The following ZNF704 variants were observed in gnomAD, a reference collection of about 807,000 sequenced individuals.
ZNF704 encodes zinc finger protein 704.
A neutral mutation model predicts 44.7 loss-of-function variants in ZNF704; 10 were observed. The ratio of observed to expected loss-of-function variants is 0.22; its 90% CI spans 0.14 to 0.38. ZNF704 has a LOEUF of 0.38. Among genes scored for constraint, ZNF704 ranks in the 10% least tolerant of loss-of-function variants. The pLI, the probability that ZNF704 is intolerant of heterozygous loss-of-function variation, is 1.00. For missense variants in ZNF704, 390 were observed against 545.5 expected (o/e 0.71, Z 2.84); for synonymous variants, 211 against 207.6 (o/e 1.02, Z -0.14).
chr8:80,721,040 T>C (rs1819157842), intron 2 of ZNF704, among the ~76,000 whole-genome samples: 2 of 152,190 alleles, frequency 1.3e-5, no homozygotes, highest in African/African-American at 4.8e-5. Flanking sequence ...GTATCACTTA[T>C]CTCACCGTAC....
chr8:80,718,500 A>G (rs1165912827), intron 2 of ZNF704, among the ~76,000 whole-genome samples: 1 of 152,204 alleles, frequency 6.6e-6, no homozygotes, highest in Non-Finnish European at 1.5e-5. Flanking sequence ...TTGGACAGAC[A>G]GGATGGTGTG....
chr8:80,710,571 AG>A (rs1169658507), intron 2 of ZNF704, among the ~76,000 whole-genome samples: 1 of 152,134 alleles, frequency 6.6e-6, no homozygotes, highest in African/African-American at 2.4e-5. Flanking sequence ...TTTGGGAGGT[AG>A]TTAGGTTTCG....
intron 2 of ZNF704, among the ~76,000 whole-genome samples, chr8:80,780,829 G>A (rs1487537759): frequency 6.6e-6 from 1 of 151,922 alleles, no homozygotes; most frequent in Admixed American, 6.6e-5. Flanking sequence ...TGGACTTCTG[G>A]CCTCCAGAAC....
chr8:80,711,992 T>C (rs1818994443), intron 2 of ZNF704, among the ~76,000 whole-genome samples: 1 of 152,208 alleles, frequency 6.6e-6, no homozygotes, highest in South Asian at 2.1e-4. Flanking sequence ...CCTTAACAAA[T>C]GCTCTGCTAT....
intron 2 of ZNF704, among the ~76,000 whole-genome samples, chr8:80,765,936 G>C (rs1403018844): frequency 2.0e-5 from 3 of 152,052 alleles, no homozygotes; most frequent in Non-Finnish European, 4.4e-5. Context: ...CATCTACCAA[G>C]CAATAATTCA....
At chr8:80,774,117 G>A (rs984609171) in intron 2 of ZNF704, among the ~76,000 whole-genome samples, 2 of 151,366 alleles carry the variant, frequency 1.3e-5, no homozygotes, top group Non-Finnish European at 2.9e-5. Context: ...GTGCCGTGGT[G>A]CAATCATAGC....
intron 2 of ZNF704, among the ~76,000 whole-genome samples, chr8:80,767,347 G>C (rs1807245070): frequency 6.6e-6 from 1 of 151,226 alleles, no homozygotes; most frequent in Admixed American, 6.6e-5. Flanking sequence ...AGAAACACAT[G>C]GCCACCAGTG....
At chr8:80,650,862 T>A (rs1258420266) in intron 7 of ZNF704, among the ~76,000 whole-genome samples, 1 of 152,100 alleles carries the variant, frequency 6.6e-6, no homozygotes, top group Non-Finnish European at 1.5e-5. Context: ...GACACATAAT[T>A]GTCAGATTCA....
chr8:80,844,582 G>C (rs1808737137), intron 1 of ZNF704, among the ~76,000 whole-genome samples: 1 of 152,136 alleles, frequency 6.6e-6, no homozygotes, highest in Non-Finnish European at 1.5e-5. Flanking sequence ...CAACCAGATA[G>C]GGCGGAGCAG....
intron 1 of ZNF704, among the ~76,000 whole-genome samples, chr8:80,835,175 T>A (rs1172131512): frequency 1.3e-5 from 2 of 152,270 alleles, no homozygotes; most frequent in East Asian, 3.9e-4. Context: ...ACAACTTGGG[T>A]ATTTTTTTTT....
At chr8:80,739,723 G>A (rs1361895120) in intron 2 of ZNF704, among the ~76,000 whole-genome samples, 2 of 152,152 alleles carry the variant, frequency 1.3e-5, no homozygotes, top group African/African-American at 4.8e-5. Flanking sequence ...ATTAGGCTCT[G>A]GAAAAGGGAA....
At chr8:80,848,538 T>C (rs1409410813) in intron 1 of ZNF704, among the ~76,000 whole-genome samples, 12 of 152,180 alleles carry the variant, frequency 7.9e-5, no homozygotes, top group Admixed American at 7.9e-4. Flanking sequence ...GAATTTATAA[T>C]TATCTTTTAA....
Position 80,659,550 on chromosome 8 carries a change from G to T in ZNF704, c.1032+35C>A, listed in dbSNP as rs776880243. 11 of 1,586,040 alleles carry T rather than the reference G, an allele frequency of 6.9e-6. No homozygotes were observed. The African/African-American group carries it at 1.3e-4, about 19-fold the overall frequency. On this transcript the variant is annotated intron_variant, in intron 7 of 8. Coordinates refer to ENST00000327835, the MANE Select transcript of ZNF704 (RefSeq NM_001033723.3). ...GCTAAATTTAGTCTACATTGGCTTTGACCAGATTTTTGGCTTTTTCGTTTT... is the reference window on the plus strand; with the variant it reads ...GCTAAATTTAGTCTACATTGGCTTTTACCAGATTTTTGGCTTTTTCGTTTT...
At chr8:80,778,157 TAAAC>T (rs1807447444) in intron 2 of ZNF704, among the ~76,000 whole-genome samples, 1 of 151,944 alleles carries the variant, frequency 6.6e-6, no homozygotes, top group African/African-American at 2.4e-5. Flanking sequence ...ATAAGGAACT[TAAAC>T]AAATTGAAAG....
chr8:80,753,823 T>C (rs190770597), intron 2 of ZNF704, among the ~76,000 whole-genome samples: 12 of 152,124 alleles, frequency 7.9e-5, no homozygotes, highest in Admixed American at 7.2e-4. Flanking sequence ...AGCTACAGGG[T>C]TGATGGAAAA....
At chr8:80,659,728 T>TC (rs753732190) in intron 6 of ZNF704, 39 bp from the exon 7 acceptor site, 28 of 1,231,146 alleles carry the variant, frequency 2.3e-5, no homozygotes, top group Non-Finnish European at 3.2e-5. Context: ...TATGAAGGAA[T>TC]ATTTTCCTTC....
chr8:80,866,721 T>TGGG (rs5892743), intron 1 of ZNF704, among the ~76,000 whole-genome samples: 11 of 150,818 alleles, frequency 7.3e-5, no homozygotes, highest in Middle Eastern at 3.4e-3. Flanking sequence ...CTTGCGGGGT[T>TGGG]GGGGGGGGGA....
chr8:80,790,632 G>A (rs1028459764), intron 2 of ZNF704, among the ~76,000 whole-genome samples: 2 of 152,138 alleles, frequency 1.3e-5, no homozygotes, highest in Non-Finnish European at 1.5e-5. Flanking sequence ...AGGGAGGAGT[G>A]CAAGAGCGGG....
intron 1 of ZNF704, among the ~76,000 whole-genome samples, chr8:80,822,586 G>T (rs1283853583): frequency 6.6e-6 from 1 of 152,108 alleles, no homozygotes; most frequent in Non-Finnish European, 1.5e-5. Context: ...TGGGTCATAT[G>T]GTATTTCTAG....
Sources: allele counts gnomAD v4.1 joint callset (sites outside exome capture counted in the v4.1 genomes callset), GRCh38; gene constraint gnomAD v4.1.1; transcripts MANE v1.5; gene names NCBI Gene and HGNC (gene_info 2026-07-23, HGNC 2026-07-21).